The following GABRE variants were observed in gnomAD, a reference collection of about 807,000 sequenced individuals.
The protein encoded by GABRE is gamma-aminobutyric acid type A receptor subunit epsilon.
In GABRE, 20 loss-of-function variants were observed where a neutral mutation model predicts 31.0. That is an observed-to-expected ratio of 0.64 (90% CI 0.45 to 0.94). The LOEUF (loss-of-function observed/expected upper bound fraction) is 0.94, where lower values mean the gene tolerates loss of function less well. Ranked by LOEUF, GABRE falls within the 40% of genes least tolerant of loss-of-function variation. The pLI is 0.00. For synonymous variants in GABRE, 155 were observed against 150.6 expected, an observed-to-expected ratio of 1.03 and a Z score of -0.21; for missense variants, 420 against 410.7, an observed-to-expected ratio of 1.02 and a Z score of -0.20.
chrX:151,969,772 CA>C, intron 2 of GABRE, 36 bp from the exon 3 acceptor site: 1 of 1,201,889 alleles, frequency 8.3e-7, no homozygotes. Context: ...GGGTAAGTGT[CA>C]AACAGGCGCA....
rs191805019 is a variant in GABRE, at chrX:151,955,906, G to A, written c.785-46C>T. The A allele has an allele frequency of 1.2e-3, 1,352 of 1,172,693 alleles. 1 individual carries two copies. Among genetic ancestry groups the A allele is most frequent in the Non-Finnish European group, 1.4e-3 (1,227 of 863,137 alleles). On this transcript the variant is annotated intron_variant, in intron 6 of 8. Transcript: ENST00000370328. ...CACTGCATTACAGTGCTGACACGAC[G>A]GTCCCCCTTAGCAGGACGTGAACAG...
chrX:151,965,494 G>A (rs751704601), intron 3 of GABRE, among the ~76,000 whole-genome samples: 1 of 111,857 alleles, frequency 8.9e-6, no homozygotes, highest in Non-Finnish European at 1.9e-5. Context: ...GCAGGCCAAG[G>A]CAGAACTCTG....
intron 3 of GABRE, 84 bp from the exon 4 acceptor site, chrX:151,962,727 T>C (rs1934423253): frequency 3.8e-6 from 3 of 792,157 alleles, no homozygotes; most frequent in African/African-American, 2.0e-5. Flanking sequence ...TGCCACTCCC[T>C]AACCTAGAAT....
chrX:151,956,417 C>T (rs1455858001), intron 6 of GABRE: 1 of 114,914 alleles, frequency 8.7e-6, no homozygotes, highest in Non-Finnish European at 1.8e-5. Flanking sequence ...AAAACCGGCA[C>T]TAGCCTGCTC....
At position 151,974,676 on chromosome X, in the gene GABRE, T is replaced by C. The variant is rs372533373; in HGVS notation, c.-51A>G. The C allele has an allele frequency of 8.4e-5, 78 of 934,098 alleles. No homozygotes were observed. Among genetic ancestry groups the C allele is most frequent in the Non-Finnish European group, 1.1e-4 (76 of 668,239 alleles). 77.0% of individuals were successfully genotyped at this position (934,098 alleles called of 1,213,427 possible). Reference sequence around the variant, plus strand: ...TGCGCGGAGGTCGCGGCTCACGCTCTGGCCGCACTGAGCGCGGGGCGGAGG... The same window carrying C: ...TGCGCGGAGGTCGCGGCTCACGCTCCGGCCGCACTGAGCGCGGGGCGGAGG... On this transcript the variant is annotated 5_prime_UTR_variant, in exon 1 of 9. Transcript: ENST00000370328.
intron 8 of GABRE, 83 bp downstream of exon 8, chrX:151,955,285 C>T (rs1238761756): frequency 1.7e-6 from 2 of 1,206,806 alleles, no homozygotes; most frequent in Non-Finnish European, 1.1e-6. Context: ...AAGCTGACCA[C>T]CCATGTGCCA....
At position 151,954,411 on chromosome X, in the gene GABRE, T is replaced by C; in HGVS notation, c.*290A>G. Reference sequence around the variant, plus strand: ...GGCATGGTTTTAGGGAGCTGATCACTAAGTGGCTGTGGTTTTGAACACTGA... The same window carrying C: ...GGCATGGTTTTAGGGAGCTGATCACCAAGTGGCTGTGGTTTTGAACACTGA... On this transcript the variant is annotated 3_prime_UTR_variant, in exon 9 of 9. Transcript: ENST00000370328. 1 of 275,147 alleles carries C rather than the reference T, an allele frequency of 3.6e-6. No individual in the cohort carries two copies. Among genetic ancestry groups the C allele is most frequent in the East Asian group, 6.3e-5 (1 of 15,819 alleles). The allele number at this position is 275,147 out of a possible 1,213,427, so 22.7% of individuals were successfully genotyped here. A position where few individuals can be genotyped will look rare whatever the true frequency, so the allele number is the denominator to read the frequency against.
Position 151,955,419 on chromosome X carries a change from G to A in GABRE, c.1086C>T (p.Asn362=). The part of the protein sequence containing the change: ...FCALLEFAVL[N]FLIYNQTKAH... ...CTTTTGTCTGGTTGTAGATCAGGAAGTTGAGCACAGCAAACTCCAACAGAG... is the reference window on the plus strand; with the variant it reads ...CTTTTGTCTGGTTGTAGATCAGGAAATTGAGCACAGCAAACTCCAACAGAG... Residue 362 remains asparagine, a synonymous_variant, in exon 8 of 9, where the codon AAC becomes AAT. Transcript: ENST00000370328. 1 of 1,212,149 alleles carries A rather than the reference G, an allele frequency of 8.2e-7. No homozygotes were observed. Among genetic ancestry groups the A allele is most frequent in the Non-Finnish European group, 1.1e-6 (1 of 895,622 alleles).
rs888604817 is a variant in GABRE, at chrX:151,954,564, G to C, written c.*137C>G. ...GGCAGCAAAGACAAACCCTCTGCAA[G>C]CTTCTGTTTGGGGAATGGGGCAGGA... On this transcript the variant is annotated 3_prime_UTR_variant, in exon 9 of 9. Coordinates refer to ENST00000370328, the MANE Select transcript of GABRE (RefSeq NM_004961.4). The C allele has an allele frequency of 2.1e-6, 1 of 477,877 alleles. No individual in the cohort carries two copies. Among genetic ancestry groups the C allele is most frequent in the African/African-American group, 2.5e-5 (1 of 40,594 alleles). The allele number at this position is 477,877 out of a possible 1,213,427, so 39.4% of individuals were successfully genotyped here. A position where few individuals can be genotyped will look rare whatever the true frequency, so the allele number is the denominator to read the frequency against.
rs1934475196 is a variant in GABRE at position 151,964,604 on chromosome X, T to C, written c.343-1961A>G. On this transcript the variant is annotated intron_variant, in intron 3 of 8. Coordinates refer to ENST00000370328, the MANE Select transcript of GABRE (RefSeq NM_004961.4). The stretch of plus-strand genomic sequence containing the variant: ...TCCAGCCAGGTCAACACCCTCTCAG[T>C]CCCCACATTTCCATAGTAAATCAAA... Among the ~76,000 whole-genome samples the C allele has an allele frequency of 6.3e-5, 7 of 111,250 alleles. No homozygotes were observed. In the Admixed American group the frequency reaches 6.7e-4, roughly 11 times the overall value.
chrX:151,969,642 A>G (rs982304210), intron 3 of GABRE, 27 bp downstream of exon 3: 2 of 1,189,863 alleles, frequency 1.7e-6, no homozygotes, highest in Admixed American at 4.5e-5. Context: ...GGGCTAGGAA[A>G]TAGTACTAAA....
chrX:151,956,077 A>G, intron 6 of GABRE: 1 of 415,243 alleles, frequency 2.4e-6, no homozygotes, highest in Non-Finnish European at 4.2e-6. Flanking sequence ...CCAAGGCCAG[A>G]ATCTTAATAG....
chrX:151,956,509 T>C (rs1463294657), intron 6 of GABRE: 1 of 112,289 alleles, frequency 8.9e-6, no homozygotes, highest in Non-Finnish European at 1.9e-5. Context: ...AGGCCCACCA[T>C]GACCCGGCTC....
At chrX:151,972,740 A>C in intron 1 of GABRE, 2 of 624,529 alleles carry the variant, frequency 3.2e-6, no homozygotes, top group Non-Finnish European at 3.8e-6. Context: ...ACAACAATAA[A>C]CAAACAAAAC....
In GABRE at chrX:151,962,313, G is replaced by A. The variant is rs1356110259; in HGVS notation, c.563+110C>T. 4.6e-6 allele frequency: 3 copies of A among 658,365 alleles called. No individual in the cohort carries two copies. In the African/African-American group the frequency reaches 6.6e-5, roughly 15 times the overall value. The allele number at this position is 658,365 out of a possible 1,213,427, so 54.3% of individuals were successfully genotyped here. A position where few individuals can be genotyped will look rare whatever the true frequency, so the allele number is the denominator to read the frequency against. ...CTCATGGTCTAGGAAAGCTGGACAGGCCCTTAGAGGTATCATTCAGGATGA... is the reference window on the plus strand; with the variant it reads ...CTCATGGTCTAGGAAAGCTGGACAGACCCTTAGAGGTATCATTCAGGATGA... On this transcript the variant is annotated intron_variant, in intron 4 of 8. Transcript: ENST00000370328.
At position 151,961,108 on chromosome X, in the gene GABRE, G is replaced by A. The variant is rs1301080084; in HGVS notation, c.646+175C>T. ...CGCTTCAGAGGCACGTGGAAGGGATGAGCAACACAGTATTGTTGGCAGGAA... is the reference window on the plus strand; with the variant it reads ...CGCTTCAGAGGCACGTGGAAGGGATAAGCAACACAGTATTGTTGGCAGGAA... On this transcript the variant is annotated intron_variant, in intron 5 of 8. Transcript: ENST00000370328. The A allele has an allele frequency of 1.1e-5, 5 of 435,693 alleles. No individual in the cohort carries two copies. The Admixed American group carries it at 2.1e-4, about 18-fold the overall frequency. 35.9% of individuals were successfully genotyped at this position (435,693 alleles called of 1,213,427 possible). A position where few individuals can be genotyped will look rare whatever the true frequency, so the allele number is the denominator to read the frequency against.
At chrX:151,958,507 G>A (rs972500974) in intron 6 of GABRE, 1 of 344,675 alleles carries the variant, frequency 2.9e-6, no homozygotes, top group Non-Finnish European at 5.8e-6. Context: ...TTCTCCTCAA[G>A]AATCCTCCTC....
At chrX:151,957,514 T>C (rs1934212258) in intron 6 of GABRE, 1 of 328,020 alleles carries the variant, frequency 3.0e-6, no homozygotes, top group South Asian at 2.6e-5. Flanking sequence ...TCTAATTAGT[T>C]ATACCCAGGC....
intron 6 of GABRE, 36 bp from the exon 7 acceptor site, chrX:151,955,896 C>T: frequency 8.4e-7 from 1 of 1,190,939 alleles, no homozygotes; most frequent in East Asian, 3.0e-5. Context: ...CATTACAGTG[C>T]TGACACGACG....
Sources: allele counts gnomAD v4.1 joint callset (sites outside exome capture counted in the v4.1 genomes callset), GRCh38; gene constraint gnomAD v4.1.1; transcripts MANE v1.5; gene names NCBI Gene and HGNC (gene_info 2026-07-23, HGNC 2026-07-21).